Variants in PLCE1 observed in about 807,000 individuals in gnomAD.
PLCE1 encodes 1-phosphatidylinositol 4,5-bisphosphate phosphodiesterase epsilon-1.
Under a neutral mutation model 242.8 loss-of-function variants are expected in PLCE1, and 119 were observed. The ratio of observed to expected loss-of-function variants is 0.49; its 90% CI spans 0.42 to 0.57. PLCE1 has a LOEUF of 0.57. PLCE1 is among the 20% of genes least tolerant of loss of function. The pLI is 0.00. For synonymous variants in PLCE1, 945 were observed against 1,017.4 expected, an observed-to-expected ratio of 0.93 and a Z score of 1.35; for missense variants, 2,441 against 2,788.8, an observed-to-expected ratio of 0.88 and a Z score of 2.81.
intron 3 of PLCE1, among the ~76,000 whole-genome samples, chr10:94,167,534 A>G (rs1052139271): frequency 1.3e-5 from 2 of 151,600 alleles, no homozygotes; most frequent in Non-Finnish European, 2.9e-5. Flanking sequence ...TATTATTATT[A>G]TACTTTAAGT....
chr10:94,267,590 C>T (rs1264796100), intron 16 of PLCE1, among the ~76,000 whole-genome samples: 1 of 152,186 alleles, frequency 6.6e-6, no homozygotes, highest in Admixed American at 6.5e-5. Context: ...CTCTTCTAGC[C>T]ATATGTGGAT....
chr10:94,136,582 A>C (rs1410131439), intron 3 of PLCE1, among the ~76,000 whole-genome samples: 2 of 152,170 alleles, frequency 1.3e-5, no homozygotes, highest in Non-Finnish European at 2.9e-5. Context: ...GGAAATGTCC[A>C]ACAAGTTGAT....
At chr10:94,304,041 A>G (rs879367637) in intron 24 of PLCE1, among the ~76,000 whole-genome samples, 2 of 152,230 alleles carry the variant, frequency 1.3e-5, no homozygotes, top group Non-Finnish European at 2.9e-5. Context: ...GAAGGATGGT[A>G]TAGGTTATAA....
In PLCE1 at chr10:94,127,740, CA is replaced by C. The variant is rs569967818; in HGVS notation, c.1207-4432del. The stretch of plus-strand genomic sequence containing the variant: ...TTATCAAAGCTTGTAATTCTAGCCA[CA>C]ACCTTATGAGGCAGATACTATTATA... On this transcript the variant is annotated intron_variant, in intron 2 of 32. Transcript: ENST00000371380. Among the ~76,000 whole-genome samples the C allele has an allele frequency of 2.0e-5, 3 of 152,276 alleles. No homozygotes were observed. In the East Asian group the frequency reaches 5.8e-4, roughly 29 times the overall value.
chr10:94,291,986 T>TA (rs2052661010), intron 22 of PLCE1, among the ~76,000 whole-genome samples: 1 of 152,156 alleles, frequency 6.6e-6, no homozygotes, highest in Non-Finnish European at 1.5e-5. Context: ...TGGTAGAAGA[T>TA]ATTGACATGT....
In PLCE1 at chr10:94,031,630, GA is replaced by G; in HGVS notation, c.586del (p.Arg196GlufsTer13). On this transcript the variant is annotated frameshift_variant, in exon 2 of 33. Coordinates refer to ENST00000371380, the MANE Select transcript of PLCE1 (RefSeq NM_016341.4). LOFTEE classifies it high-confidence loss of function. ...AVFHFHYEVDRRMSDTFCTLS... is the reference protein window; with the variant it reads ...AVFHFHYEVDXRMSDTFCTLS... The stretch of plus-strand genomic sequence containing the variant: ...TTTCATTTTCATTATGAAGTTGACA[GA>G]AGAATGTCAGACACTTTCTGTACCC... 6.2e-7 allele frequency: 1 copy of G among 1,613,670 alleles called. No individual in the cohort carries two copies. Among genetic ancestry groups the G allele is most frequent in the East Asian group, 2.2e-5 (1 of 44,860 alleles).
intron 19 of PLCE1, among the ~76,000 whole-genome samples, chr10:94,276,242 T>C (rs1157096876): frequency 1.3e-5 from 2 of 152,176 alleles, no homozygotes; most frequent in East Asian, 3.8e-4. Flanking sequence ...TTTCCCAGAG[T>C]GTGCTTCGAC....
intron 4 of PLCE1, among the ~76,000 whole-genome samples, chr10:94,213,432 G>A (rs1181500865): frequency 6.6e-6 from 1 of 152,162 alleles, no homozygotes; most frequent in Non-Finnish European, 1.5e-5. Flanking sequence ...CAGGGTGGCT[G>A]CCCTTTTTGA....
intron 22 of PLCE1, 130 bp downstream of exon 22, chr10:94,285,095 C>T (rs971782579): frequency 4.1e-4 from 269 of 653,390 alleles, no homozygotes; most frequent in Non-Finnish European, 6.0e-4. Flanking sequence ...TGTTATAATA[C>T]CTCCTAAATA....
At position 94,260,195 on chromosome 10, in the gene PLCE1, C is replaced by T. The variant is rs115445986; in HGVS notation, c.3814+1045C>T. On this transcript the variant is annotated intron_variant, in intron 13 of 32. Coordinates refer to ENST00000371380, the MANE Select transcript of PLCE1 (RefSeq NM_016341.4). ...ACCTACAGACAGTTGTGTGTTCAAT[C>T]ACAGGGCAGTAGTCTCCTGCCCTTT... is the stretch of plus-strand genomic sequence containing the variant. 4.2e-3 allele frequency among the ~76,000 whole-genome samples: 633 copies of T among 152,300 alleles called. 6 individuals are homozygous for T. The highest frequency in any genetic ancestry group is 0.015 in the African/African-American group (605 of 41,576).
chr10:94,023,334 T>A (rs777780043), intron 1 of PLCE1, among the ~76,000 whole-genome samples: 6 of 152,162 alleles, frequency 3.9e-5, no homozygotes, highest in Non-Finnish European at 7.4e-5. Flanking sequence ...TGACTTTTGG[T>A]GGGTCTAGTG....
chr10:94,075,848 T>C (rs117415056), intron 2 of PLCE1, among the ~76,000 whole-genome samples: 379 of 152,310 alleles, frequency 2.5e-3, no homozygotes, highest in Non-Finnish European at 4.0e-3. Context: ...GTTTTTCAGA[T>C]GGAAAATGGG....
intron 11 of PLCE1, 89 bp from the exon 12 acceptor site, chr10:94,258,711 C>A: frequency 6.6e-7 from 1 of 1,511,426 alleles, no homozygotes; most frequent in Non-Finnish European, 9.2e-7. Flanking sequence ...CATCCTTTTG[C>A]TCATATTGCT....
chr10:94,258,437 T>C (rs1353459155), intron 11 of PLCE1, among the ~76,000 whole-genome samples: 1 of 152,210 alleles, frequency 6.6e-6, no homozygotes, highest in Non-Finnish European at 1.5e-5. Context: ...TTATTTCCCA[T>C]AGATTAAGAG....
intron 4 of PLCE1, among the ~76,000 whole-genome samples, chr10:94,171,729 G>A (rs899167306): frequency 6.6e-6 from 1 of 152,010 alleles, no homozygotes; most frequent in East Asian, 1.9e-4. Flanking sequence ...CCATTCTATT[G>A]CATTACCCAG....
At chr10:94,251,736 G>C (rs1056763316) in intron 8 of PLCE1, among the ~76,000 whole-genome samples, 2 of 152,126 alleles carry the variant, frequency 1.3e-5, no homozygotes, top group Admixed American at 1.3e-4. Context: ...ATGGTGTTCT[G>C]AGTCCCATGG....
chr10:94,155,244 A>T (rs1158940840), intron 3 of PLCE1, among the ~76,000 whole-genome samples: 1 of 152,264 alleles, frequency 6.6e-6, no homozygotes, highest in Admixed American at 6.5e-5. Flanking sequence ...ATGTCCATCA[A>T]CTGATGAATA....
chr10:94,234,143 A>T lies in PLCE1; in HGVS notation c.2045A>T (p.Glu682Val), dbSNP rs1216844157. The T allele has an allele frequency of 6.2e-7, 1 of 1,613,926 alleles. No homozygotes were observed. The highest frequency in any genetic ancestry group is 8.5e-7 in the Non-Finnish European group (1 of 1,179,898). ...CTGAAGGATGCTATGGCCCAGCATG[A>T]GTCCTCTTGTGAGTACAGAAAGGTG... The part of the protein sequence containing the change: ...RSLKDAMAQH[E>V]SSCEYRKVVT... The change falls in exon 6 of 33, where the codon GAG (glutamate) becomes GTG (valine). Residue 682 changes from glutamate to valine, a missense_variant. Coordinates refer to ENST00000371380, the MANE Select transcript of PLCE1 (RefSeq NM_016341.4).
intron 1 of PLCE1, among the ~76,000 whole-genome samples, chr10:94,003,840 TG>T (rs2060981879): frequency 6.6e-6 from 1 of 152,014 alleles, no homozygotes. Flanking sequence ...GAGATGAAAA[TG>T]AAATGCCTTT....
Sources: gnomAD v4.1 joint callset for allele counts (sites outside exome capture counted in the v4.1 genomes callset) on GRCh38, gnomAD v4.1.1 for gene constraint, MANE v1.5 for transcripts, NCBI Gene and HGNC (gene_info 2026-07-23, HGNC 2026-07-21) for gene names.